EDARADD: variants seen among roughly 807,000 people sequenced by gnomAD.
The protein encoded by EDARADD is EDAR associated via death domain, also known as ectodysplasin-A receptor-associated adapter protein.
A neutral mutation model predicts 25.6 loss-of-function variants in EDARADD; 20 were observed. The ratio of observed to expected loss-of-function variants is 0.78; its 90% CI spans 0.55 to 1.14. The LOEUF (loss-of-function observed/expected upper bound fraction) is 1.14. EDARADD is among the 50% of genes most tolerant of loss of function. EDARADD has a pLI of 0.00. For synonymous variants in EDARADD, 86 were observed against 94.4 expected (o/e 0.91, Z 0.52); for missense variants, 225 against 270.1 (o/e 0.83, Z 1.17).
chr1:236,414,189 C>T (rs1657574226), intron 2 of EDARADD, 71 bp from the exon 3 acceptor site: 1 of 1,368,212 alleles, frequency 7.3e-7, no homozygotes. Flanking sequence ...TTTCCCAAGA[C>T]AAAGCTTTCT....
At chr1:236,474,686 T>C (rs1404012138) in intron 5 of EDARADD, among the ~76,000 whole-genome samples, 2 of 152,204 alleles carry the variant, frequency 1.3e-5, no homozygotes, top group African/African-American at 4.8e-5. Context: ...GGTATTAAGA[T>C]TCATTAAACA....
rs34021141 is a variant in EDARADD, at chr1:236,466,440, AAC to A, written c.220-1772_220-1771del. ...TCTCTCTCACTCTCTCTCTCTGATA[AAC>A]ACACACACACACACACACTCACACT... On this transcript the variant is annotated intron_variant, in intron 4 of 5. Transcript: ENST00000334232. Among the ~76,000 whole-genome samples, 108 of 124,472 alleles carry A rather than the reference AAC, an allele frequency of 8.7e-4. 3 individuals are homozygous for A. The East Asian group carries it at 0.027, about 31-fold the overall frequency. The allele number at this position is 124,472 out of a possible 152,430, so 81.7% of individuals were successfully genotyped here. A position where few individuals can be genotyped will look rare whatever the true frequency, so the allele number is the denominator to read the frequency against.
chr1:236,456,004 T>C (rs938598049), intron 4 of EDARADD, among the ~76,000 whole-genome samples: 5 of 152,188 alleles, frequency 3.3e-5, no homozygotes, highest in Non-Finnish European at 7.4e-5. Flanking sequence ...TTAGCCAGGA[T>C]GGTCTCGATC....
chr1:236,395,510 C>T lies in EDARADD; in HGVS notation c.61+1005C>T, dbSNP rs1322312289. On this transcript the variant is annotated intron_variant, in intron 1 of 5. Coordinates refer to ENST00000334232, the MANE Select transcript of EDARADD (RefSeq NM_145861.4). This position sits in a 1 kb window ranked among gnomAD's most constrained non-coding sequence, Gnocchi z 6.9. ...AGGAGGGCAGGGGCGCGCAGAGCCACGGTTTGCTCCAGGCGCGTCGGAACC... is the reference window on the plus strand; with the variant it reads ...AGGAGGGCAGGGGCGCGCAGAGCCATGGTTTGCTCCAGGCGCGTCGGAACC... The T allele has an allele frequency of 1.3e-6, 2 of 1,529,938 alleles. No individual in the cohort carries two copies. Among genetic ancestry groups the T allele is most frequent in the East Asian group, 2.5e-5 (1 of 40,354 alleles). 94.8% of individuals were successfully genotyped at this position (1,529,938 alleles called of 1,614,324 possible). A position where few individuals can be genotyped will look rare whatever the true frequency, so the allele number is the denominator to read the frequency against.
chr1:236,369,677 A>G (rs1177141489), intron 3 of EDARADD, among the ~76,000 whole-genome samples: 2 of 152,074 alleles, frequency 1.3e-5, no homozygotes, highest in African/African-American at 4.8e-5. Flanking sequence ...CGTCTCTACT[A>G]AAAATACAAA....
At chr1:236,394,728 A>G (rs1239726547) in intron 1 of EDARADD, among the ~76,000 whole-genome samples, 1 of 152,214 alleles carries the variant, frequency 6.6e-6, no homozygotes, top group Non-Finnish European at 1.5e-5. Context: ...CCTTCCTATA[A>G]TAGGCTTATG....
intron 1 of EDARADD, among the ~76,000 whole-genome samples, chr1:236,407,718 C>A (rs757795578): frequency 6.6e-6 from 1 of 152,116 alleles, no homozygotes; most frequent in Non-Finnish European, 1.5e-5. Context: ...GAGGATCCCA[C>A]GCAAAAAGAT....
intron 3 of EDARADD, 25 bp from the exon 4 acceptor site, chr1:236,427,367 C>G (rs775398226): frequency 1.2e-6 from 2 of 1,602,812 alleles, no homozygotes; most frequent in African/African-American, 2.7e-5. Flanking sequence ...TTGTTTCTTT[C>G]TTTCTTTCTT....
intron 2 of EDARADD, among the ~76,000 whole-genome samples, chr1:236,412,683 C>G (rs934886400): frequency 3.3e-5 from 5 of 152,194 alleles, no homozygotes; most frequent in Non-Finnish European, 7.3e-5. Flanking sequence ...CAGCCATTCT[C>G]TAGGGCTAGC....
chr1:236,404,561 C>T lies in EDARADD; in HGVS notation c.62-4655C>T, dbSNP rs1667674081. ...AAGGCAAAGGCTGATAAAGTCAGAA[C>T]CGCAATCAGAAAAATCATAAAAGAC... is the stretch of plus-strand genomic sequence containing the variant. On this transcript the variant is annotated intron_variant, in intron 1 of 5. Coordinates refer to ENST00000334232, the MANE Select transcript of EDARADD (RefSeq NM_145861.4). 7.2e-5 allele frequency among the ~76,000 whole-genome samples: 11 copies of T among 152,114 alleles called. 1 individual carries two copies. The highest frequency in any genetic ancestry group is 7.2e-4 in the Admixed American group (11 of 15,270).
intron 5 of EDARADD, among the ~76,000 whole-genome samples, chr1:236,469,742 GCAA>G (rs1372541054): frequency 1.3e-5 from 2 of 151,522 alleles, no homozygotes; most frequent in African/African-American, 4.8e-5. Flanking sequence ...CAACATGTGA[GCAA>G]CAGTTCTCTC....
At chr1:236,480,196 T>G (rs1659634754) in intron 5 of EDARADD, among the ~76,000 whole-genome samples, 1 of 146,926 alleles carries the variant, frequency 6.8e-6, no homozygotes, top group Non-Finnish European at 1.5e-5. Context: ...ATTCATACAT[T>G]CTTTCTATCT....
At chr1:236,429,367 C>T (rs112443324) in intron 4 of EDARADD, among the ~76,000 whole-genome samples, 8 of 150,778 alleles carry the variant, frequency 5.3e-5, no homozygotes, top group African/African-American at 9.8e-5. Flanking sequence ...CCACCATGCC[C>T]GGCTACTTTA....
At chr1:236,423,966 C>T (rs1657843670) in intron 3 of EDARADD, among the ~76,000 whole-genome samples, 1 of 151,946 alleles carries the variant, frequency 6.6e-6, no homozygotes. Context: ...ATTAGCCGGG[C>T]GTGGTGGTCG....
chr1:236,445,234 CT>C (rs61333307), intron 4 of EDARADD, among the ~76,000 whole-genome samples: 7,540 of 89,766 alleles, frequency 0.084, 1,406 homozygotes, highest in African/African-American at 0.23. Flanking sequence ...ATAATAAATT[CT>C]TTTTTTTTTT....
chr1:236,420,731 G>A (rs1204282606), intron 3 of EDARADD, among the ~76,000 whole-genome samples: 4 of 152,072 alleles, frequency 2.6e-5, no homozygotes, highest in Non-Finnish European at 5.9e-5. Flanking sequence ...TTGATATCAC[G>A]TTGTTAATCA....
At chr1:236,411,483 G>A (rs1657478674) in intron 2 of EDARADD, among the ~76,000 whole-genome samples, 3 of 150,958 alleles carry the variant, frequency 2.0e-5, no homozygotes, top group Non-Finnish European at 4.4e-5. Context: ...GGGTGTTTGT[G>A]TCTCGTCTCT....
chr1:236,465,259 C>T (rs559492929), intron 4 of EDARADD, among the ~76,000 whole-genome samples: 2 of 152,210 alleles, frequency 1.3e-5, no homozygotes, highest in African/African-American at 4.8e-5. Flanking sequence ...GTCTTAGACA[C>T]CCCCTGAGGA....
At chr1:236,358,035 C>T (rs1243127589) in intron 3 of EDARADD, among the ~76,000 whole-genome samples, 1 of 152,058 alleles carries the variant, frequency 6.6e-6, no homozygotes, top group Non-Finnish European at 1.5e-5. Flanking sequence ...CCACACCCGG[C>T]TAATTTTGTA....
Sources: gnomAD v4.1 joint callset for allele counts (sites outside exome capture counted in the v4.1 genomes callset) on GRCh38, gnomAD v4.1.1 for gene constraint, Gnocchi (gnomAD v3.1) non-coding constraint, MANE v1.5 for transcripts, NCBI Gene and HGNC (gene_info 2026-07-23, HGNC 2026-07-21) for gene names.